TMEM209: variants seen among roughly 807,000 people sequenced by gnomAD.
TMEM209 encodes the protein testicular tissue protein Li 202.
TMEM209 carries 65 observed loss-of-function variants against 76.2 expected under a neutral mutation model. The observed-to-expected ratio is 0.85, with a 90% CI of 0.70 to 1.05. The LOEUF (loss-of-function observed/expected upper bound fraction) is 1.05. Among genes scored for constraint, TMEM209 ranks in the 50% least tolerant of loss-of-function variants. The probability of loss-of-function intolerance (pLI) is 0.00; values close to 1 mark genes in which losing one functional copy is unlikely to be tolerated. For missense variants in TMEM209, 623 were observed against 685.5 expected (o/e 0.91, Z 1.02); for synonymous variants, 239 against 237.6 (o/e 1.01, Z -0.06).
chr7:130,172,827 C>T (rs1584666362), intron 13 of TMEM209, among the ~76,000 whole-genome samples: 2 of 151,294 alleles, frequency 1.3e-5, no homozygotes, highest in African/African-American at 4.9e-5. Context: ...GGTGAAACCC[C>T]ATCTCTACTA....
chr7:130,169,131 G>A (rs770950552), intron 14 of TMEM209, among the ~76,000 whole-genome samples: 25 of 145,086 alleles, frequency 1.7e-4, no homozygotes, highest in Admixed American at 1.3e-3. Flanking sequence ...GGAGGCAGAG[G>A]TTGCAGTGAG....
At chr7:130,173,210 T>C (rs916473426) in intron 13 of TMEM209, among the ~76,000 whole-genome samples, 1 of 151,924 alleles carries the variant, frequency 6.6e-6, no homozygotes, top group Non-Finnish European at 1.5e-5. Flanking sequence ...GGTATACTAG[T>C]ACGTGCTTGT....
chr7:130,188,466 G>A (rs996617475), intron 6 of TMEM209, among the ~76,000 whole-genome samples: 3 of 151,622 alleles, frequency 2.0e-5, no homozygotes, highest in Non-Finnish European at 4.4e-5. Flanking sequence ...CGTGGTGGCA[G>A]GCACCTGTAG....
intron 3 of TMEM209, 126 bp from the exon 4 acceptor site, chr7:130,202,789 G>C: frequency 8.8e-7 from 1 of 1,140,522 alleles, no homozygotes; most frequent in Non-Finnish European, 1.2e-6. Flanking sequence ...ATAATTTAAT[G>C]AATGTTATGT....
intron 14 of TMEM209, among the ~76,000 whole-genome samples, chr7:130,169,863 G>T (rs1797009569): frequency 1.3e-5 from 2 of 151,954 alleles, no homozygotes; most frequent in Non-Finnish European, 2.9e-5. Context: ...CTTATTTCAT[G>T]TGTCATTTGA....
intron 1 of TMEM209, chr7:130,204,957 G>A: frequency 9.2e-7 from 1 of 1,086,220 alleles, no homozygotes; most frequent in South Asian, 3.1e-5. Flanking sequence ...AGTTTTAGAA[G>A]GGCACGTACT....
chr7:130,185,425 T>C, intron 6 of TMEM209, 58 bp from the exon 7 acceptor site: 3 of 1,483,530 alleles, frequency 2.0e-6, no homozygotes, highest in Non-Finnish European at 9.3e-7. Context: ...CATCTACAGT[T>C]AACACTTATA....
At chr7:130,176,851 AAC>A (rs1315527131) in intron 10 of TMEM209, among the ~76,000 whole-genome samples, 1 of 152,082 alleles carries the variant, frequency 6.6e-6, no homozygotes, top group Non-Finnish European at 1.5e-5. Context: ...AATATCTCAT[AAC>A]ACAGGAAATA....
At position 130,178,463 on chromosome 7, in the gene TMEM209, G is replaced by A; in HGVS notation, c.1185C>T (p.Asn395=). The A allele has an allele frequency of 1.2e-6, 2 of 1,613,780 alleles. No homozygotes were observed. The highest frequency in any genetic ancestry group is 1.1e-5 in the South Asian group (1 of 91,056). ...LVKAPLIPTL[N]TIVQYLDLTP... Reference sequence around the variant, plus strand: ...TAAGGTCTAGATACTGAACGATTGTGTTCAAAGTCGGAATGAGAGGCGCTT... The same window carrying A: ...TAAGGTCTAGATACTGAACGATTGTATTCAAAGTCGGAATGAGAGGCGCTT... The change falls in exon 10 of 15, where the codon AAC becomes AAT. Residue 395 remains asparagine, a synonymous_variant. Transcript: ENST00000397622.
At chr7:130,189,466 G>C (rs1797720321) in intron 6 of TMEM209, among the ~76,000 whole-genome samples, 1 of 152,100 alleles carries the variant, frequency 6.6e-6, no homozygotes, top group African/African-American at 2.4e-5. Context: ...CAAAGTGCTG[G>C]GATTACAAGC....
At chr7:130,171,845 C>A (rs62491971) in intron 13 of TMEM209, among the ~76,000 whole-genome samples, 14,855 of 152,060 alleles carry the variant, frequency 0.098, 747 homozygotes, top group Middle Eastern at 0.14. Flanking sequence ...CTGGCTAACA[C>A]AGTAAAACCC....
At chr7:130,181,784 C>T in intron 8 of TMEM209, 65 bp from the exon 9 acceptor site, 1 of 1,339,656 alleles carries the variant, frequency 7.5e-7, no homozygotes, top group South Asian at 1.3e-5. Flanking sequence ...TAATTACTTT[C>T]TTTTTTACAA....
Position 130,165,873 on chromosome 7 carries a change from C to G in TMEM209, c.*578G>C. On this transcript the variant is annotated 3_prime_UTR_variant, in exon 15 of 15. Transcript: ENST00000397622. ...AGGAGTTCGGGACCAGCCTGGCCAACATGGTGAAACCCTGTCTCTACTAAA... is the reference window on the plus strand; with the variant it reads ...AGGAGTTCGGGACCAGCCTGGCCAAGATGGTGAAACCCTGTCTCTACTAAA... 1 of 152,210 alleles carries G rather than the reference C, an allele frequency of 6.6e-6. No homozygotes were observed. Among genetic ancestry groups the G allele is most frequent in the Non-Finnish European group, 1.5e-5 (1 of 68,116 alleles). The allele number at this position is 152,210 out of a possible 1,614,324, so 9.4% of individuals were successfully genotyped here. A position where few individuals can be genotyped will look rare whatever the true frequency, so the allele number is the denominator to read the frequency against.
intron 10 of TMEM209, among the ~76,000 whole-genome samples, chr7:130,176,115 CTT>C (rs71178559): frequency 9.3e-5 from 13 of 140,448 alleles, no homozygotes; most frequent in Admixed American, 1.4e-4. Context: ...TCACTGTATT[CTT>C]TTTTTTTTTT....
intron 1 of TMEM209, chr7:130,205,159 C>T: frequency 6.8e-7 from 1 of 1,465,670 alleles, no homozygotes; most frequent in Non-Finnish European, 9.0e-7. Context: ...CACTCAGCCC[C>T]CGCGTCCCAA....
intron 6 of TMEM209, among the ~76,000 whole-genome samples, chr7:130,185,767 A>G (rs1797577854): frequency 6.6e-6 from 1 of 152,224 alleles, no homozygotes; most frequent in Admixed American, 6.5e-5. Flanking sequence ...AGGGATAACT[A>G]TAGCCTCCTA....
At position 130,184,248 on chromosome 7, in the gene TMEM209, G is replaced by A. The variant is rs1036496171; in HGVS notation, c.959C>T (p.Ala320Val). 16 of 1,599,284 alleles carry A rather than the reference G, an allele frequency of 1.0e-5. No individual in the cohort carries two copies. The highest frequency in any genetic ancestry group is 1.4e-5 in the Non-Finnish European group (16 of 1,173,720). The change falls in exon 8 of 15, where the codon GCA becomes GTA. Residue 320 changes from alanine (A) to valine (V), a missense_variant. Physicochemically the swap from Ala to Val is moderately conservative, Grantham distance 64 (BLOSUM62 0). Transcript: ENST00000397622. ...SSKQAAEEVW[A>V]RVAMNRQLLD... ...AAGTTGTCTATTCATAGCCACTCTT[G>A]CCCAGACCTATAAAAATTCATGTTT...
chr7:130,205,333 T>C, intron 1 of TMEM209, 40 bp downstream of exon 1: 1 of 1,613,830 alleles, frequency 6.2e-7, no homozygotes, highest in Non-Finnish European at 8.5e-7. Flanking sequence ...CCCGCGTAGA[T>C]TCCAAGACAG....
At chr7:130,189,463 C>T (rs571578842) in intron 6 of TMEM209, among the ~76,000 whole-genome samples, 1 of 152,244 alleles carries the variant, frequency 6.6e-6, no homozygotes, top group South Asian at 2.1e-4. Flanking sequence ...TCCCAAAGTG[C>T]TGGGATTACA....
Sources: allele counts gnomAD v4.1 joint callset (sites outside exome capture counted in the v4.1 genomes callset), GRCh38; gene constraint gnomAD v4.1.1; transcripts MANE v1.5; gene names NCBI Gene and HGNC (gene_info 2026-07-23, HGNC 2026-07-21).